Variants in PIN4 observed in about 807,000 individuals in gnomAD.
PIN4 encodes the protein peptidyl-prolyl cis-trans isomerase NIMA-interacting 4.
A neutral mutation model predicts 8.3 loss-of-function variants in PIN4; 3 were observed. The ratio of observed to expected loss-of-function variants is 0.36; its 90% confidence interval spans 0.16 to 0.93. The LOEUF (loss-of-function observed/expected upper bound fraction) is 0.93, where lower values mean the gene tolerates loss of function less well. Ranked by LOEUF, PIN4 falls within the 40% of genes least tolerant of loss-of-function variation. PIN4 has a pLI of 0.44. For missense variants in PIN4, 75 were observed against 100.6 expected (o/e 0.75, Z 1.09); for synonymous variants, 18 against 32.5 (o/e 0.55, Z 1.52).
At chrX:72,229,970 T>C (rs982834474) in intron 3 of PIN4, among the ~76,000 whole-genome samples, 3 of 109,927 alleles carry the variant, frequency 2.7e-5, no homozygotes, top group Non-Finnish European at 3.8e-5. Flanking sequence ...AGGCAGGAGA[T>C]AGAGACCATC....
At chrX:72,241,921 A>G (rs2043050751) in intron 3 of PIN4, among the ~76,000 whole-genome samples, 1 of 111,936 alleles carries the variant, frequency 8.9e-6, no homozygotes, top group African/African-American at 3.2e-5. Context: ...CCAAAGGATG[A>G]GTAGGATGAG....
rs1476173812 is a variant in PIN4, at chrX:72,196,921, A to G, written c.237+17A>G. On this transcript the variant is annotated intron_variant, in intron 3 of 3. Coordinates refer to ENST00000373669, the MANE Select transcript of PIN4 (RefSeq NM_006223.4). The stretch of plus-strand genomic sequence containing the variant: ...AGGCAAGGGGTATGTTGCTCTTATT[A>G]TTTATAATTTTCTCTCAAGGTAAGA... 2.6e-6 allele frequency: 3 copies of G among 1,147,312 alleles called. No homozygotes were observed. The highest frequency in any genetic ancestry group is 6.2e-5 in the East Asian group (2 of 32,517). The allele number at this position is 1,147,312 out of a possible 1,213,427, so 94.6% of individuals were successfully genotyped here.
At chrX:72,214,296 T>A (rs2042874244) in intron 3 of PIN4, among the ~76,000 whole-genome samples, 1 of 112,270 alleles carries the variant, frequency 8.9e-6, no homozygotes, top group Non-Finnish European at 1.9e-5. Flanking sequence ...GTGGTTCACA[T>A]TTCAGTCAAA....
At chrX:72,250,674 C>T (rs904867083) in intron 3 of PIN4, among the ~76,000 whole-genome samples, 2 of 108,667 alleles carry the variant, frequency 1.8e-5, no homozygotes, top group African/African-American at 6.7e-5. Context: ...CATAATGAGA[C>T]CCGTCTCTAC....
intron 3 of PIN4, among the ~76,000 whole-genome samples, chrX:72,208,947 G>T (rs755232065): frequency 1.8e-5 from 2 of 111,779 alleles, no homozygotes; most frequent in South Asian, 3.8e-4. Context: ...AAGGTTATTG[G>T]TTCCACAGTA....
chrX:72,201,770 C>G (rs772500966), downstream of PIN4, among the ~76,000 whole-genome samples: 1 of 112,959 alleles, frequency 8.9e-6, no homozygotes, highest in Admixed American at 9.4e-5. Context: ...ATAACATGTA[C>G]TGCTAATATT....
In PIN4 at chrX:72,207,312, C is replaced by T. The variant is rs752700494; in HGVS notation, c.312+10408C>T. The T allele has an allele frequency of 1.2e-5, 15 of 1,209,182 alleles. No individual in the cohort carries two copies. In the East Asian group the frequency reaches 2.7e-4, roughly 21 times the overall value. Reference sequence around the variant, plus strand: ...GTTCAATGATGTTTAGAATTTGCCTCGATTGAGAAAACACCAGAGTTTGAT... The same window carrying T: ...GTTCAATGATGTTTAGAATTTGCCTTGATTGAGAAAACACCAGAGTTTGAT... On this transcript the variant is annotated intron_variant, in intron 3 of 3. Coordinates refer to the PIN4 transcript ENST00000423432.
chrX:72,238,578 GATTA>G (rs2043030711), intron 3 of PIN4, among the ~76,000 whole-genome samples: 1 of 112,712 alleles, frequency 8.9e-6, no homozygotes. Flanking sequence ...AGAAGGGCTT[GATTA>G]ATTAAGGCTC....
At chrX:72,245,328 C>T (rs1299074184) in intron 3 of PIN4, among the ~76,000 whole-genome samples, 1 of 109,294 alleles carries the variant, frequency 9.1e-6, no homozygotes, top group Non-Finnish European at 1.9e-5. Flanking sequence ...GCCACCACAT[C>T]CACCTAATTT....
chrX:72,226,059 T>A (rs1392881796), intron 3 of PIN4, among the ~76,000 whole-genome samples: 1 of 111,564 alleles, frequency 9.0e-6, no homozygotes, highest in African/African-American at 3.3e-5. Flanking sequence ...AAGCTCCATC[T>A]CATCCTCCTG....
At chrX:72,231,557 C>T (rs2042983552) in intron 3 of PIN4, among the ~76,000 whole-genome samples, 1 of 104,839 alleles carries the variant, frequency 9.5e-6, no homozygotes, top group Non-Finnish European at 2.0e-5. Context: ...AAAGAATGAA[C>T]TTTTTTTTTT....
chrX:72,184,243 G>T (rs1030682642), intron 1 of PIN4, among the ~76,000 whole-genome samples: 3 of 111,876 alleles, frequency 2.7e-5, no homozygotes, highest in Non-Finnish European at 5.6e-5. Flanking sequence ...AAGGGAAAAA[G>T]AAGTCTGGTG....
chrX:72,187,698 G>A (rs1398840638), intron 2 of PIN4, among the ~76,000 whole-genome samples: 1 of 111,637 alleles, frequency 9.0e-6, no homozygotes, highest in Non-Finnish European at 1.9e-5. Context: ...AGCTACTCAG[G>A]AGGCTGAGGT....
At chrX:72,224,027 C>T (rs1279285958) in intron 3 of PIN4, among the ~76,000 whole-genome samples, 1 of 111,431 alleles carries the variant, frequency 9.0e-6, no homozygotes, top group Non-Finnish European at 1.9e-5. Context: ...GAAATATCTT[C>T]ACTGCTGGTA....
chrX:72,243,181 G>T (rs969990884), intron 3 of PIN4, among the ~76,000 whole-genome samples: 3 of 110,053 alleles, frequency 2.7e-5, no homozygotes, highest in African/African-American at 9.9e-5. Flanking sequence ...CGGCCATGAT[G>T]GTAGGTGCCT....
At chrX:72,205,157 C>G (rs750433514) in intron 3 of PIN4, 1 of 1,211,739 alleles carries the variant, frequency 8.3e-7, no homozygotes, top group Non-Finnish European at 1.1e-6. Flanking sequence ...CCACGCTTTA[C>G]AAGAGTCTCA....
chrX:72,192,038 A>G (rs930821673), intron 2 of PIN4, among the ~76,000 whole-genome samples: 5 of 110,546 alleles, frequency 4.5e-5, no homozygotes, highest in Admixed American at 9.6e-5. Flanking sequence ...TGCAACCTCC[A>G]TCTCCCAGTT....
chrX:72,200,058 C>T (rs1420028445), downstream of PIN4, among the ~76,000 whole-genome samples: 5 of 107,872 alleles, frequency 4.6e-5, no homozygotes, highest in African/African-American at 1.0e-4. Flanking sequence ...CCCAACTACT[C>T]GGGAGGCTGA....
intron 3 of PIN4, among the ~76,000 whole-genome samples, chrX:72,234,508 A>AT (rs1377340220): frequency 9.8e-5 from 11 of 112,202 alleles, no homozygotes; most frequent in Non-Finnish European, 1.7e-4. Flanking sequence ...GTAGACAATG[A>AT]TATGACACCT....
Sources: allele counts gnomAD v4.1 joint callset (sites outside exome capture counted in the v4.1 genomes callset), GRCh38; gene constraint gnomAD v4.1.1; transcripts MANE v1.5; gene names NCBI Gene and HGNC (gene_info 2026-07-23, HGNC 2026-07-21).